Variants in SNTG2 observed in about 807,000 individuals in gnomAD.
The protein encoded by SNTG2 is syntrophin gamma 2.
A neutral mutation model predicts 70.9 loss-of-function variants in SNTG2; 74 were observed. The observed-to-expected ratio is 1.04, with a 90% CI of 0.86 to 1.27. SNTG2 has a LOEUF of 1.27. Among genes scored for constraint, SNTG2 ranks in the 50% most tolerant of loss-of-function variants. The probability of loss-of-function intolerance (pLI) is 0.00; values close to 1 mark genes in which losing one functional copy is unlikely to be tolerated. For missense variants in SNTG2, 717 were observed against 690.7 expected (o/e 1.04, Z -0.43); for synonymous variants, 278 against 273.8 (o/e 1.02, Z -0.15).
chr2:1,211,127 G>A (rs1229177829), intron 9 of SNTG2, among the ~76,000 whole-genome samples: 1 of 152,166 alleles, frequency 6.6e-6, no homozygotes, highest in Non-Finnish European at 1.5e-5. Context: ...ATAGCAGAAT[G>A]TTTTAACAGT....
At chr2:986,109 G>GAGAGAGAT (rs1487484572) in intron 1 of SNTG2, among the ~76,000 whole-genome samples, 1 of 143,750 alleles carries the variant, frequency 7.0e-6, no homozygotes, top group Non-Finnish European at 1.5e-5. Flanking sequence ...GAGAGAGAGA[G>GAGAGAGAT]ATCAGAGGAT....
intron 2 of SNTG2, among the ~76,000 whole-genome samples, chr2:1,087,413 G>C (rs1229065388): frequency 1.3e-5 from 2 of 152,146 alleles, no homozygotes; most frequent in Admixed American, 1.3e-4. Flanking sequence ...TCGTGCTCTA[G>C]CCCTGACCTA....
chr2:1,110,863 A>T (rs976472392), intron 4 of SNTG2, among the ~76,000 whole-genome samples: 1 of 152,242 alleles, frequency 6.6e-6, no homozygotes, highest in Non-Finnish European at 1.5e-5. Context: ...AATATTTGAT[A>T]GAGTCCTTCT....
At chr2:1,308,436 ATTAAAG>A (rs1362434157) in intron 14 of SNTG2, 52 bp from the exon 15 acceptor site, 32 of 1,474,532 alleles carry the variant, frequency 2.2e-5, no homozygotes, top group African/African-American at 2.8e-5. Context: ...AGACTACCTA[ATTAAAG>A]TTAAACAGCA....
At chr2:1,273,933 A>G (rs1351421463) in intron 14 of SNTG2, among the ~76,000 whole-genome samples, 2 of 152,228 alleles carry the variant, frequency 1.3e-5, no homozygotes, top group African/African-American at 4.8e-5. Context: ...TATGTAATGC[A>G]TAAAAAGATC....
At chr2:1,214,811 T>C (rs751262039) in intron 9 of SNTG2, among the ~76,000 whole-genome samples, 7 of 152,212 alleles carry the variant, frequency 4.6e-5, no homozygotes, top group Non-Finnish European at 1.0e-4. Context: ...TATCTTGTTC[T>C]GGATTTTAAG....
intron 12 of SNTG2, among the ~76,000 whole-genome samples, chr2:1,255,088 T>C (rs1479300633): frequency 6.6e-6 from 1 of 152,216 alleles, no homozygotes; most frequent in Non-Finnish European, 1.5e-5. Context: ...TAAGCCATGA[T>C]GACTGCATTA....
intron 1 of SNTG2, among the ~76,000 whole-genome samples, chr2:956,269 C>G (rs1426526141): frequency 6.8e-6 from 1 of 147,408 alleles, no homozygotes; most frequent in East Asian, 2.1e-4. Context: ...CTCCCCCTGC[C>G]CTGCCCCTGC....
At chr2:1,018,317 C>G (rs114972911) in intron 1 of SNTG2, among the ~76,000 whole-genome samples, 2 of 152,138 alleles carry the variant, frequency 1.3e-5, no homozygotes, top group East Asian at 3.9e-4. Flanking sequence ...GAAGGCACGT[C>G]GCTGGTGGTC....
intron 2 of SNTG2, among the ~76,000 whole-genome samples, chr2:1,093,726 G>A (rs1416488412): frequency 6.6e-6 from 1 of 152,228 alleles, no homozygotes; most frequent in Admixed American, 6.5e-5. Context: ...AAACCTGATG[G>A]TCTGTAAGGT....
chr2:1,144,581 C>T (rs1265629663), intron 6 of SNTG2, among the ~76,000 whole-genome samples: 1 of 152,170 alleles, frequency 6.6e-6, no homozygotes. Context: ...TTAATAGATT[C>T]ACACTTCTAC....
rs1371263883 is a variant in SNTG2, at chr2:1,003,849, A to G, written c.72+52781A>G. Reference sequence around the variant, plus strand: ...TTATGTAACATTGTTGAAACATCATATTTTCTTTGTACATAAACTTTTTGT... The same window carrying G: ...TTATGTAACATTGTTGAAACATCATGTTTTCTTTGTACATAAACTTTTTGT... On this transcript the variant is annotated intron_variant, in intron 1 of 16. Transcript: ENST00000308624. Among the ~76,000 whole-genome samples the G allele has an allele frequency of 5.3e-5, 8 of 152,180 alleles. No homozygotes were observed. In the East Asian group the frequency reaches 1.5e-3, roughly 29 times the overall value.
intron 14 of SNTG2, among the ~76,000 whole-genome samples, chr2:1,300,222 G>T (rs377255228): frequency 1.3e-5 from 2 of 152,254 alleles, no homozygotes; most frequent in East Asian, 3.9e-4. Context: ...CGCTCTGAAG[G>T]GTGTGCAAGA....
chr2:1,117,142 T>C (rs1050459207), intron 4 of SNTG2, among the ~76,000 whole-genome samples: 1 of 151,828 alleles, frequency 6.6e-6, no homozygotes, highest in Admixed American at 6.6e-5. Context: ...CTCTGGTGCG[T>C]GGGTGCTTTG....
chr2:1,018,698 T>C (rs1296765543), intron 1 of SNTG2, among the ~76,000 whole-genome samples: 1 of 152,198 alleles, frequency 6.6e-6, no homozygotes, highest in Non-Finnish European at 1.5e-5. Context: ...GCATGAACGA[T>C]ATGCAAAGCC....
intron 9 of SNTG2, among the ~76,000 whole-genome samples, chr2:1,221,941 G>C (rs1483037718): frequency 0.65 from 1,000 of 1,548 alleles, 430 homozygotes; most frequent in South Asian, 0.79. Flanking sequence ...CTCTGTCTCT[G>C]TCTGTCTCTG....
intron 1 of SNTG2, among the ~76,000 whole-genome samples, chr2:982,849 C>A (rs1661154898): frequency 6.6e-6 from 1 of 152,116 alleles, no homozygotes; most frequent in Non-Finnish European, 1.5e-5. Flanking sequence ...GGTGCAGAGA[C>A]TGTGCCTGGA....
chr2:1,335,060 T>G (rs943754664), intron 16 of SNTG2, among the ~76,000 whole-genome samples: 6 of 152,206 alleles, frequency 3.9e-5, no homozygotes, highest in African/African-American at 1.4e-4. Flanking sequence ...TCCCACTAAT[T>G]GCCCTTTTCA....
At chr2:1,178,907 A>G (rs1401706013) in intron 8 of SNTG2, among the ~76,000 whole-genome samples, 6 of 152,148 alleles carry the variant, frequency 3.9e-5, no homozygotes, top group Admixed American at 2.6e-4. Context: ...CCTCTGGTAG[A>G]ATTCAGCTTT....
Sources: gnomAD v4.1 joint callset for allele counts (sites outside exome capture counted in the v4.1 genomes callset) on GRCh38, gnomAD v4.1.1 for gene constraint, MANE v1.5 for transcripts, NCBI Gene and HGNC (gene_info 2026-07-23, HGNC 2026-07-21) for gene names.